The following ADGRL3 variants were observed in gnomAD, a reference collection of about 807,000 sequenced individuals.
ADGRL3 encodes the protein calcium-independent alpha-latrotoxin receptor 3.
In ADGRL3, 62 loss-of-function variants were observed where a neutral mutation model predicts 153.5. That is an observed-to-expected ratio of 0.40 (90% CI 0.33 to 0.50). The LOEUF (loss-of-function observed/expected upper bound fraction) is 0.50. Among genes scored for constraint, ADGRL3 ranks in the 20% least tolerant of loss-of-function variants. The probability of loss-of-function intolerance (pLI) is 0.47; values close to 1 mark genes in which losing one functional copy is unlikely to be tolerated. For synonymous variants in ADGRL3, 710 were observed against 672.5 expected, an observed-to-expected ratio of 1.06 and a Z score of -0.86; for missense variants, 1,641 against 1,859.4, an observed-to-expected ratio of 0.88 and a Z score of 2.16.
At chr4:61,908,443 A>G (rs2098706519) in intron 11 of ADGRL3, among the ~76,000 whole-genome samples, 1 of 152,066 alleles carries the variant, frequency 6.6e-6, no homozygotes, top group African/African-American at 2.4e-5. Context: ...CTAAAAATAC[A>G]AAAATTAGCT....
intron 1 of ADGRL3, among the ~76,000 whole-genome samples, chr4:61,369,962 G>A (rs1049788960): frequency 2.6e-5 from 4 of 152,028 alleles, no homozygotes; most frequent in Non-Finnish European, 4.4e-5. Flanking sequence ...TCTTGGGAGA[G>A]TGTATGTGTC....
chr4:61,476,639 G>A (rs1239527180), intron 2 of ADGRL3, among the ~76,000 whole-genome samples: 3 of 148,376 alleles, frequency 2.0e-5, no homozygotes, highest in African/African-American at 5.0e-5. Context: ...AACCTGGGAG[G>A]TGGAGGTTGT....
At chr4:61,931,343 C>T (rs10026839) in intron 13 of ADGRL3, among the ~76,000 whole-genome samples, 2,633 of 152,230 alleles carry the variant, frequency 0.017, 82 homozygotes, top group African/African-American at 0.061. Context: ...ATGAAATGTG[C>T]TTTCTAAGTG....
chr4:61,996,522 T>G (rs2099122236), intron 20 of ADGRL3, among the ~76,000 whole-genome samples, 165 bp downstream of exon 20: 1 of 152,210 alleles, frequency 6.6e-6, no homozygotes. Flanking sequence ...TCTACTTTTA[T>G]GTTGTAAAAT....
chr4:61,798,391 G>A (rs553615419), intron 8 of ADGRL3, among the ~76,000 whole-genome samples: 6 of 152,094 alleles, frequency 3.9e-5, no homozygotes, highest in Non-Finnish European at 8.8e-5. Flanking sequence ...GTGTGTCTGT[G>A]TGTGTGTCTA....
At chr4:61,712,888 G>A (rs1354244640) in intron 6 of ADGRL3, among the ~76,000 whole-genome samples, 3 of 152,036 alleles carry the variant, frequency 2.0e-5, no homozygotes, top group African/African-American at 7.2e-5. Context: ...GAAATGTATT[G>A]TTTAAAATTT....
chr4:61,304,158 C>A (rs1250401646), intron 1 of ADGRL3, among the ~76,000 whole-genome samples: 2 of 152,154 alleles, frequency 1.3e-5, no homozygotes, highest in South Asian at 4.1e-4. Flanking sequence ...ACCTATGTTG[C>A]TTTTCTGCTG....
chr4:61,763,416 C>T (rs924956721), intron 8 of ADGRL3, among the ~76,000 whole-genome samples: 1 of 151,898 alleles, frequency 6.6e-6, no homozygotes, highest in Non-Finnish European at 1.5e-5. Flanking sequence ...CATCTCCTGA[C>T]CTCATGATCC....
At chr4:61,928,020 A>G (rs1195347873) in intron 13 of ADGRL3, among the ~76,000 whole-genome samples, 2 of 151,016 alleles carry the variant, frequency 1.3e-5, no homozygotes, top group Admixed American at 1.3e-4. Context: ...AAATGTTTAA[A>G]TGTAACTGTA....
chr4:61,566,480 T>C (rs1055384707), intron 4 of ADGRL3, among the ~76,000 whole-genome samples: 6 of 152,068 alleles, frequency 3.9e-5, no homozygotes, highest in Non-Finnish European at 7.4e-5. Context: ...AGGGAAAGGT[T>C]GAATTTAAAA....
intron 19 of ADGRL3, among the ~76,000 whole-genome samples, chr4:61,990,396 G>C (rs555071652): frequency 6.6e-6 from 1 of 152,046 alleles, no homozygotes; most frequent in East Asian, 1.9e-4. Context: ...ATGGATCATT[G>C]TAGAGCAGTG....
intron 23 of ADGRL3, among the ~76,000 whole-genome samples, chr4:62,032,429 C>T (rs1722608822): frequency 6.6e-6 from 1 of 151,372 alleles, no homozygotes; most frequent in African/African-American, 2.4e-5. Context: ...AGCCAGATTG[C>T]CTGGGTTTGA....
chr4:61,668,773 C>G (rs1395650586), intron 5 of ADGRL3, among the ~76,000 whole-genome samples: 1 of 152,070 alleles, frequency 6.6e-6, no homozygotes, highest in Non-Finnish European at 1.5e-5. Flanking sequence ...AATTCCAACA[C>G]TCGAGAGGCT....
chr4:61,520,682 G>GTGTCTGTC (rs1553953059), intron 4 of ADGRL3, among the ~76,000 whole-genome samples: 7 of 123,580 alleles, frequency 5.7e-5, no homozygotes, highest in African/African-American at 1.7e-4. Context: ...GTGTGTGTGT[G>GTGTCTGTC]TGTCTGTCTG....
intron 5 of ADGRL3, among the ~76,000 whole-genome samples, chr4:61,624,572 T>C (rs374385788): frequency 2.0e-5 from 3 of 152,122 alleles, no homozygotes; most frequent in South Asian, 4.1e-4. Flanking sequence ...AAAATGTTTA[T>C]TATATGTAAC....
In ADGRL3 at chr4:61,551,834, C is replaced by G. The variant is rs2098741763; in HGVS notation, c.259+34316C>G. Among the ~76,000 whole-genome samples the G allele has an allele frequency of 4.6e-5, 7 of 152,146 alleles. No individual in the cohort carries two copies. In the South Asian group the frequency reaches 1.5e-3, roughly 32 times the overall value. ...GTAGTTGCAGAAAGACAATAGTTTG[C>G]AATATTCTGAAAAGGCTGAATTTAT... On this transcript the variant is annotated intron_variant, in intron 4 of 26. Transcript: ENST00000683033.
chr4:61,581,379 G>T (rs896526074), intron 4 of ADGRL3, among the ~76,000 whole-genome samples: 1 of 151,906 alleles, frequency 6.6e-6, no homozygotes, highest in East Asian at 1.9e-4. Flanking sequence ...TCCATCCAGG[G>T]GTGTGTTTTT....
At chr4:61,388,460 A>G (rs1411401143) in intron 2 of ADGRL3, among the ~76,000 whole-genome samples, 1 of 152,176 alleles carries the variant, frequency 6.6e-6, no homozygotes, top group Non-Finnish European at 1.5e-5. Context: ...CTATGCAGTA[A>G]CATCATTCTC....
intron 1 of ADGRL3, among the ~76,000 whole-genome samples, chr4:61,223,500 A>C (rs1334933403): frequency 6.6e-6 from 1 of 152,226 alleles, no homozygotes; most frequent in African/African-American, 2.4e-5. Context: ...AGTGGTTTTG[A>C]AAGTAGGTGT....
Sources: gnomAD v4.1 joint callset for allele counts (sites outside exome capture counted in the v4.1 genomes callset) on GRCh38, gnomAD v4.1.1 for gene constraint, MANE v1.5 for transcripts, NCBI Gene and HGNC (gene_info 2026-07-23, HGNC 2026-07-21) for gene names.